PHLDA3: variants seen among roughly 807,000 people sequenced by gnomAD.
PHLDA3 encodes pleckstrin homology like domain family A member 3.
In PHLDA3, 12 loss-of-function variants were observed where a neutral mutation model predicts 7.6. The ratio of observed to expected loss-of-function variants is 1.58; its 90% confidence interval spans 1.01 to 2.55. The LOEUF (loss-of-function observed/expected upper bound fraction) is 2.55, where lower values mean the gene tolerates loss of function less well. Ranked by LOEUF, PHLDA3 falls within the 30% of genes most tolerant of loss-of-function variation. The pLI, the probability that PHLDA3 is intolerant of heterozygous loss-of-function variation, is 0.00. For missense variants in PHLDA3, 177 were observed against 175.6 expected (o/e 1.01, Z -0.05); for synonymous variants, 104 against 85.1 (o/e 1.22, Z -1.23).
At chr1:201,468,236 C>A (rs540924562) in intron 1 of PHLDA3, 105 bp downstream of exon 1, 22 of 850,964 alleles carry the variant, frequency 2.6e-5, no homozygotes, top group East Asian at 1.7e-4. Context: ...GAACCTCCCC[C>A]CTAAGATGTC....
At position 201,468,941 on chromosome 1, in the gene PHLDA3, GC is replaced by G; in HGVS notation, c.-156del. 1.3e-6 allele frequency: 1 copy of G among 799,110 alleles called. No homozygotes were observed. Among genetic ancestry groups the G allele is most frequent in the Non-Finnish European group, 1.7e-6 (1 of 578,678 alleles). The allele number at this position is 799,110 out of a possible 1,614,324, so 49.5% of individuals were successfully genotyped here. On this transcript the variant is annotated 5_prime_UTR_variant, in exon 1 of 2. Transcript: ENST00000367311. ...CCGCGCACCCACACCGCGGCCCTCA[GC>G]ACCCGGCTGCCGGTGAGGTGGTGTC... is the stretch of plus-strand genomic sequence containing the variant.
chr1:201,467,282 C>T (rs1040174359), intron 1 of PHLDA3, among the ~76,000 whole-genome samples: 4 of 151,924 alleles, frequency 2.6e-5, no homozygotes, highest in Non-Finnish European at 5.9e-5. Flanking sequence ...TGCTACTGCA[C>T]CAGTCTGGGC....
rs1460027893 is a variant in PHLDA3 at position 201,468,589 on chromosome 1, G to A, written c.198C>T (p.Ser66=). ...GCGTGAAGTAGATGTGGCGCCCGGT[G>A]CTCTCCACGCACTCCACGGCCTTGA... The part of the protein sequence containing the change: ...ARIKAVECVE[S]TGRHIYFTLV... The change falls in exon 1 of 2, where the codon AGC becomes AGT. Residue 66 remains serine, a synonymous_variant. Coordinates refer to ENST00000367311, the MANE Select transcript of PHLDA3 (RefSeq NM_012396.5). 1 of 1,613,914 alleles carries A rather than the reference G, an allele frequency of 6.2e-7. No homozygotes were observed. Among genetic ancestry groups the A allele is most frequent in the South Asian group, 1.1e-5 (1 of 91,082 alleles).
chr1:201,468,875 C>G lies in PHLDA3; in HGVS notation c.-89G>C. On this transcript the variant is annotated 5_prime_UTR_variant, in exon 1 of 2. Coordinates refer to ENST00000367311, the MANE Select transcript of PHLDA3 (RefSeq NM_012396.5). Reference sequence around the variant, plus strand: ...CAGCGCAGGATTCTGGCGCCCCGGGCTGGCAGGCCGTGCGCGCTGCCCACC... The same window carrying G: ...CAGCGCAGGATTCTGGCGCCCCGGGGTGGCAGGCCGTGCGCGCTGCCCACC... The G allele has an allele frequency of 7.4e-7, 1 of 1,346,100 alleles. No homozygotes were observed. The highest frequency in any genetic ancestry group is 1.6e-5 in the African/African-American group (1 of 64,382). The allele number at this position is 1,346,100 out of a possible 1,614,324, so 83.4% of individuals were successfully genotyped here.
Position 201,468,976 on chromosome 1 carries a change from C to A in PHLDA3, c.-190G>T. On this transcript the variant is annotated 5_prime_UTR_variant, in exon 1 of 2. Transcript: ENST00000367311. The stretch of plus-strand genomic sequence containing the variant: ...GCCGGTGAGGTGGTGTCGGTGCCCC[C>A]AGCGCGCTCCGCGCCCACCGCCCCG... 1.9e-6 allele frequency: 1 copy of A among 531,032 alleles called. No homozygotes were observed. The highest frequency in any genetic ancestry group is 3.9e-5 in the East Asian group (1 of 25,800). 32.9% of individuals were successfully genotyped at this position (531,032 alleles called of 1,614,324 possible).
At position 201,468,849 on chromosome 1, in the gene PHLDA3, G is replaced by A. The variant is rs1339044628; in HGVS notation, c.-63C>T. 12 of 1,436,116 alleles carry A rather than the reference G, an allele frequency of 8.4e-6. No individual in the cohort carries two copies. The East Asian group carries it at 3.1e-4, about 37-fold the overall frequency. The allele number at this position is 1,436,116 out of a possible 1,614,324, so 89.0% of individuals were successfully genotyped here. A position where few individuals can be genotyped will look rare whatever the true frequency, so the allele number is the denominator to read the frequency against. On this transcript the variant is annotated 5_prime_UTR_variant, in exon 1 of 2. Transcript: ENST00000367311. The stretch of plus-strand genomic sequence containing the variant: ...CGGGCGCGGCGCCCCTCTCGGCCCC[G>A]CAGCGCAGGATTCTGGCGCCCCGGG...
At chr1:201,468,211 C>T (rs1161673904) in intron 1 of PHLDA3, 130 bp downstream of exon 1, 3 of 694,774 alleles carry the variant, frequency 4.3e-6, no homozygotes, top group Non-Finnish European at 6.9e-6. Context: ...CTCCCATGCC[C>T]TCAGTTGGCC....
rs1228414870 is a variant in PHLDA3 at position 201,468,360 on chromosome 1, G to A, written c.*43C>T. Reference sequence around the variant, plus strand: ...GCTTACCTGCCTTGACCTCAGCACTGAGGTGGTGGGTAGCATGAAGGAAAG... The same window carrying A: ...GCTTACCTGCCTTGACCTCAGCACTAAGGTGGTGGGTAGCATGAAGGAAAG... On this transcript the variant is annotated 3_prime_UTR_variant, in exon 1 of 2. Coordinates refer to ENST00000367311, the MANE Select transcript of PHLDA3 (RefSeq NM_012396.5). The A allele has an allele frequency of 6.2e-7, 1 of 1,611,156 alleles. No individual in the cohort carries two copies. Among genetic ancestry groups the A allele is most frequent in the South Asian group, 1.1e-5 (1 of 90,510 alleles).
chr1:201,468,944 C>T lies in PHLDA3; in HGVS notation c.-158G>A. 2 of 789,542 alleles carry T rather than the reference C, an allele frequency of 2.5e-6. No homozygotes were observed. The highest frequency in any genetic ancestry group is 3.3e-5 in the South Asian group (1 of 30,294). 48.9% of individuals were successfully genotyped at this position (789,542 alleles called of 1,614,324 possible). On this transcript the variant is annotated 5_prime_UTR_variant, in exon 1 of 2. In the 5' UTR this introduces an upstream ATG that the reference lacks. Coordinates refer to ENST00000367311, the MANE Select transcript of PHLDA3 (RefSeq NM_012396.5). ...CGCACCCACACCGCGGCCCTCAGCA[C>T]CCGGCTGCCGGTGAGGTGGTGTCGG...
At chr1:201,466,903 G>A (rs1377962903) in intron 1 of PHLDA3, among the ~76,000 whole-genome samples, 1 of 151,546 alleles carries the variant, frequency 6.6e-6, no homozygotes, top group Admixed American at 6.6e-5. Flanking sequence ...CTCAGGGGCA[G>A]GTAGACAGCT....
chr1:201,467,860 C>A (rs1663708730), intron 1 of PHLDA3, among the ~76,000 whole-genome samples: 1 of 152,220 alleles, frequency 6.6e-6, no homozygotes, highest in Non-Finnish European at 1.5e-5. Flanking sequence ...AATGCTCAAA[C>A]TTTATGACAA....
chr1:201,467,160 T>A (rs971635445), intron 1 of PHLDA3, among the ~76,000 whole-genome samples: 14 of 151,334 alleles, frequency 9.3e-5, no homozygotes, highest in African/African-American at 2.9e-4. Flanking sequence ...AAAAAAAAAT[T>A]AGCCAGGCAT....
In PHLDA3 at chr1:201,468,845, C is replaced by A; in HGVS notation, c.-59G>T. 7.6e-6 allele frequency: 11 copies of A among 1,440,754 alleles called. No individual in the cohort carries two copies. Among genetic ancestry groups the A allele is most frequent in the Non-Finnish European group, 9.9e-6 (11 of 1,110,462 alleles). 89.2% of individuals were successfully genotyped at this position (1,440,754 alleles called of 1,614,324 possible). On this transcript the variant is annotated 5_prime_UTR_variant, in exon 1 of 2. Coordinates refer to ENST00000367311, the MANE Select transcript of PHLDA3 (RefSeq NM_012396.5). ...GCGGCGGGCGCGGCGCCCCTCTCGGCCCCGCAGCGCAGGATTCTGGCGCCC... is the reference window on the plus strand; with the variant it reads ...GCGGCGGGCGCGGCGCCCCTCTCGGACCCGCAGCGCAGGATTCTGGCGCCC...
In PHLDA3 at chr1:201,468,497, T is replaced by C. The variant is rs1350996640; in HGVS notation, c.290A>G (p.Gln97Arg). The change falls in exon 1 of 2, where the codon CAG (glutamine) becomes CGG (arginine). Residue 97 changes from glutamine to arginine, a missense_variant. Physicochemically the swap from Gln to Arg is conservative, Grantham distance 43. Coordinates refer to ENST00000367311, the MANE Select transcript of PHLDA3 (RefSeq NM_012396.5). ...CPLEDPGWNA[Q>R]ITLGLVKFKN... The stretch of plus-strand genomic sequence containing the variant: ...GAACTTGACCAGGCCTAGGGTGATC[T>C]GGGCGTTCCAGCCGGGATCTTCCAG... 1.2e-6 allele frequency: 2 copies of C among 1,614,024 alleles called. No homozygotes were observed. The highest frequency in any genetic ancestry group is 1.7e-6 in the Non-Finnish European group (2 of 1,180,022).
rs1663746358 is a variant in PHLDA3, at chr1:201,468,686, G to C, written c.101C>G (p.Thr34Ser). 1.2e-6 allele frequency: 2 copies of C among 1,611,330 alleles called. No homozygotes were observed. The highest frequency in any genetic ancestry group is 1.7e-6 in the Non-Finnish European group (2 of 1,179,700). ...QLWKRKRCVL[T>S]ERGLQLFEAK... Reference sequence around the variant, plus strand: ...CTCGAAGAGCTGCAGCCCGCGTTCGGTGAGGACGCAGCGCTTCCGCTTCCA... The same window carrying C: ...CTCGAAGAGCTGCAGCCCGCGTTCGCTGAGGACGCAGCGCTTCCGCTTCCA... The change falls in exon 1 of 2, where the codon ACC becomes AGC. Residue 34 changes from threonine (T) to serine (S), a missense_variant. By Grantham distance (58) the Thr-to-Ser change is moderately conservative. Transcript: ENST00000367311.
At position 201,468,414 on chromosome 1, in the gene PHLDA3, G is replaced by A. The variant is rs750821365; in HGVS notation, c.373C>T (p.Leu125Phe). 2 of 1,613,932 alleles carry A rather than the reference G, an allele frequency of 1.2e-6. No homozygotes were observed. Among genetic ancestry groups the A allele is most frequent in the Admixed American group, 1.7e-5 (1 of 59,980 alleles). Residue 125 changes from leucine (L) to phenylalanine (F), a missense_variant, in exon 1 of 2, where the codon CTC (leucine) becomes TTC (phenylalanine). Coordinates refer to ENST00000367311, the MANE Select transcript of PHLDA3 (RefSeq NM_012396.5). ...GTGCGCCCGGTGGTTTAGGACACGA[G>A]GGTCCCGGTCCCGAGGCTCTGCCGG... ...RARQSLGTGT[L>F]VS
At position 201,464,526 on chromosome 1, in the gene PHLDA3, T is replaced by C. The variant is rs78349248; in HGVS notation, c.*1715A>G. 1 of 152,238 alleles carries C rather than the reference T, an allele frequency of 6.6e-6. No homozygotes were observed. Among genetic ancestry groups the C allele is most frequent in the East Asian group, 1.9e-4 (1 of 5,204 alleles). The allele number at this position is 152,238 out of a possible 1,614,324, so 9.4% of individuals were successfully genotyped here. ...GGGGCACAGGACAGGGAAGTTTTTA[T>C]TGGAAGGCGAGAGAAATCTGAACGG... is the stretch of plus-strand genomic sequence containing the variant. On this transcript the variant is annotated 3_prime_UTR_variant, in exon 2 of 2. Coordinates refer to ENST00000367311, the MANE Select transcript of PHLDA3 (RefSeq NM_012396.5).
At chr1:201,467,828 T>C (rs1663707872) in intron 1 of PHLDA3, among the ~76,000 whole-genome samples, 1 of 152,226 alleles carries the variant, frequency 6.6e-6, no homozygotes, top group Non-Finnish European at 1.5e-5. Context: ...ATCTGGGAGA[T>C]ACTGTCTTTC....
At position 201,464,820 on chromosome 1, in the gene PHLDA3, G is replaced by GTTGTT. The variant is rs10646470; in HGVS notation, c.*1416_*1420dup. On this transcript the variant is annotated 3_prime_UTR_variant, in exon 2 of 2. Transcript: ENST00000367311. Reference sequence around the variant, plus strand: ...CTGTTTTCCCGTTTTTTTTGTTGTTGTTGTTTTGAGACTGCGTCTTGCTGC... The same window carrying GTTGTT: ...CTGTTTTCCCGTTTTTTTTGTTGTTGTTGTTTTGTTTTGAGACTGCGTCTTGCTGC... 0.71 allele frequency: 107,140 copies of GTTGTT among 151,384 alleles called. 38,035 individuals are homozygous for GTTGTT. Among genetic ancestry groups the GTTGTT allele is most frequent in the Admixed American group, 0.76 (11,628 of 15,218 alleles). The allele number at this position is 151,384 out of a possible 1,614,324, so 9.4% of individuals were successfully genotyped here. A position where few individuals can be genotyped will look rare whatever the true frequency, so the allele number is the denominator to read the frequency against.
Sources: allele counts gnomAD v4.1 joint callset (sites outside exome capture counted in the v4.1 genomes callset), GRCh38; gene constraint gnomAD v4.1.1; transcripts MANE v1.5; gene names NCBI Gene and HGNC (gene_info 2026-07-23, HGNC 2026-07-21).